COL4A6: variants seen among roughly 807,000 people sequenced by gnomAD.
The protein encoded by COL4A6 is collagen type IV alpha 6 chain.
In COL4A6, 59 loss-of-function variants were observed where a neutral mutation model predicts 126.7. That is an observed-to-expected ratio of 0.47 (90% CI 0.38 to 0.58). COL4A6 has a LOEUF of 0.58. Ranked by LOEUF, COL4A6 falls within the 20% of genes least tolerant of loss-of-function variation. The pLI is 0.00. For missense variants in COL4A6, 1,285 were observed against 1,337.3 expected, an observed-to-expected ratio of 0.96 and a Z score of 0.61; for synonymous variants, 547 against 496.6, an observed-to-expected ratio of 1.10 and a Z score of -1.35.
chrX:108,241,550 A>AATATATAT (rs764751621), intron 3 of COL4A6, among the ~76,000 whole-genome samples: 2 of 96,798 alleles, frequency 2.1e-5, no homozygotes, highest in African/African-American at 7.5e-5. Context: ...TATAATAGTA[A>AATATATAT]ATATATATAT....
At chrX:108,345,310 A>T (rs1042527277) in intron 2 of COL4A6, among the ~76,000 whole-genome samples, 1 of 111,929 alleles carries the variant, frequency 8.9e-6, no homozygotes, top group Admixed American at 9.5e-5. Flanking sequence ...AAATGAAACA[A>T]AATTACCAAA....
chrX:108,225,274 C>T (rs2036137350), intron 3 of COL4A6, among the ~76,000 whole-genome samples: 1 of 112,286 alleles, frequency 8.9e-6, no homozygotes, highest in Non-Finnish European at 1.9e-5. Flanking sequence ...GATGCTCACA[C>T]ATTATTTCTT....
rs1007284413 is a variant in COL4A6, at chrX:108,157,861, C to G, written c.4813-601G>C. Among the ~76,000 whole-genome samples the G allele has an allele frequency of 1.3e-4, 14 of 111,885 alleles. 1 individual carries two copies. The highest frequency in any genetic ancestry group is 4.6e-4 in the African/African-American group (14 of 30,732). ...GGTTTTCAGTTACTATTCACATAGA[C>G]AGCAGCTCCTGTCTCTCCACACTCC... On this transcript the variant is annotated intron_variant, in intron 44 of 44. Coordinates refer to ENST00000334504, the MANE Select transcript of COL4A6 (RefSeq NM_033641.4).
chrX:108,299,800 C>T (rs1321229001), intron 3 of COL4A6, among the ~76,000 whole-genome samples: 1 of 111,878 alleles, frequency 8.9e-6, no homozygotes, highest in Non-Finnish European at 1.9e-5. Flanking sequence ...ATAGCAAAGC[C>T]TAGGGCTTAG....
At chrX:108,353,875 G>A (rs969962419) in intron 2 of COL4A6, among the ~76,000 whole-genome samples, 3 of 112,410 alleles carry the variant, frequency 2.7e-5, no homozygotes, top group African/African-American at 9.7e-5. Context: ...GATGCTGGCC[G>A]AGCGCTGTGG....
chrX:108,192,421 C>T, intron 18 of COL4A6, 52 bp downstream of exon 18: 2 of 915,831 alleles, frequency 2.2e-6, no homozygotes, highest in Middle Eastern at 2.7e-4. Flanking sequence ...ATGCTGGGAA[C>T]CACAGTGTAT....
intron 35 of COL4A6, 130 bp from the exon 36 acceptor site, chrX:108,170,146 T>A: frequency 3.7e-6 from 2 of 539,547 alleles, no homozygotes; most frequent in Non-Finnish European, 6.2e-6. Context: ...TTGAGGCATT[T>A]ACTTAATGCC....
intron 3 of COL4A6, among the ~76,000 whole-genome samples, chrX:108,240,940 G>A (rs1444083129): frequency 9.0e-6 from 1 of 111,240 alleles, no homozygotes; most frequent in Non-Finnish European, 1.9e-5. Flanking sequence ...CTCTGAAACT[G>A]AATAGAAACA....
chrX:108,349,373 A>T (rs773019133), intron 2 of COL4A6, among the ~76,000 whole-genome samples: 1 of 111,561 alleles, frequency 9.0e-6, no homozygotes, highest in African/African-American at 3.3e-5. Flanking sequence ...CAACAGGGAC[A>T]GCTTATGATA....
intron 2 of COL4A6, among the ~76,000 whole-genome samples, chrX:108,367,055 T>C (rs2040215551): frequency 3.6e-5 from 4 of 112,290 alleles, no homozygotes; most frequent in African/African-American, 1.3e-4. Flanking sequence ...ATGAAACAAG[T>C]GTTAGAAATC....
intron 3 of COL4A6, among the ~76,000 whole-genome samples, chrX:108,223,451 A>G (rs1208460249): frequency 2.7e-5 from 3 of 111,434 alleles, no homozygotes; most frequent in African/African-American, 9.8e-5. Flanking sequence ...AGCAAACAGT[A>G]CAAATTTGGA....
chrX:108,385,944 C>A (rs927065754), intron 2 of COL4A6, among the ~76,000 whole-genome samples: 1 of 109,760 alleles, frequency 9.1e-6, no homozygotes, highest in Non-Finnish European at 1.9e-5. Context: ...GTTCAACTCC[C>A]ACTTATGAGT....
chrX:108,237,000 A>G, intron 3 of COL4A6, among the ~76,000 whole-genome samples: 1 of 111,224 alleles, frequency 9.0e-6, no homozygotes, highest in East Asian at 2.8e-4. Context: ...GACTTCATTC[A>G]TCTCCTACAA....
intron 15 of COL4A6, 38 bp from the exon 16 acceptor site, chrX:108,194,625 T>G: frequency 1.7e-6 from 2 of 1,164,003 alleles, no homozygotes; most frequent in Non-Finnish European, 2.3e-6. Context: ...GTGGAAAGTA[T>G]GAGAGCATAA....
intron 40 of COL4A6, among the ~76,000 whole-genome samples, chrX:108,164,181 G>A (rs1021427144): frequency 2.7e-5 from 3 of 112,090 alleles, no homozygotes; most frequent in African/African-American, 6.5e-5. Flanking sequence ...AAGGTACTGC[G>A]AGGTGAACAG....
chrX:108,409,008 G>A (rs2041272937), intron 2 of COL4A6, among the ~76,000 whole-genome samples: 1 of 112,273 alleles, frequency 8.9e-6, no homozygotes, highest in East Asian at 2.8e-4. Flanking sequence ...TTTATGTGTT[G>A]TGGTTCTGTA....
At chrX:108,324,618 C>A (rs1313945523) in intron 2 of COL4A6, among the ~76,000 whole-genome samples, 2 of 111,817 alleles carry the variant, frequency 1.8e-5, no homozygotes, top group African/African-American at 3.3e-5. Context: ...AGTATATGTT[C>A]CATGCAATAT....
At chrX:108,382,999 A>AATG (rs1205906170) in intron 2 of COL4A6, among the ~76,000 whole-genome samples, 2 of 106,037 alleles carry the variant, frequency 1.9e-5, no homozygotes, top group Non-Finnish European at 3.9e-5. Context: ...TAATAATAAT[A>AATG]ATAAACCCTT....
In COL4A6 at chrX:108,174,441, C is replaced by G; in HGVS notation, c.3137G>C (p.Ser1046Thr). Residue 1046 changes from serine to threonine, a missense_variant and splice_region_variant, in exon 31 of 45, where the codon AGT becomes ACT. Ser to Thr is a moderately conservative substitution (Grantham distance 58, BLOSUM62 1). Transcript: ENST00000334504. ...ITGFPGMPGESGSQGIRGSPG... is the reference protein window; with the variant it reads ...ITGFPGMPGETGSQGIRGSPG... Reference sequence around the variant, plus strand: ...AGACAAAGATCTGGTCACACTTACACTTTCTCCTGGCATTCCTGGGAAACC... The same window carrying G: ...AGACAAAGATCTGGTCACACTTACAGTTTCTCCTGGCATTCCTGGGAAACC... 1 of 1,210,830 alleles carries G rather than the reference C, an allele frequency of 8.3e-7. No homozygotes were observed. Among genetic ancestry groups the G allele is most frequent in the Non-Finnish European group, 1.1e-6 (1 of 895,028 alleles).
Sources: allele counts gnomAD v4.1 joint callset (sites outside exome capture counted in the v4.1 genomes callset), GRCh38; gene constraint gnomAD v4.1.1; transcripts MANE v1.5; gene names NCBI Gene and HGNC (gene_info 2026-07-23, HGNC 2026-07-21).